CCDC73: variants seen among roughly 807,000 people sequenced by gnomAD.
CCDC73 encodes coiled-coil domain containing 73.
Under a neutral mutation model 116.5 loss-of-function variants are expected in CCDC73, and 95 were observed. The observed-to-expected ratio is 0.82, with a 90% confidence interval of 0.69 to 0.97. The LOEUF is 0.97. Ranked by LOEUF, CCDC73 falls within the 50% of genes least tolerant of loss-of-function variation. The pLI is 0.00. For missense variants in CCDC73, 1,066 were observed against 1,206.8 expected, an observed-to-expected ratio of 0.88 and a Z score of 1.73; for synonymous variants, 398 against 401.3, an observed-to-expected ratio of 0.99 and a Z score of 0.10.
intron 9 of CCDC73, among the ~76,000 whole-genome samples, chr11:32,656,606 T>G (rs559863779): frequency 3.6e-4 from 55 of 152,322 alleles, no homozygotes; most frequent in Middle Eastern, 3.4e-3. Context: ...AGCAGCAGCA[T>G]CAGCAGCATC....
chr11:32,823,245 G>A, the CCDC73 span, among the ~76,000 whole-genome samples: 322 of 152,296 alleles, frequency 2.1e-3, 1 homozygote, highest in African/African-American at 7.0e-3. Flanking sequence ...AGGCCGAGGC[G>A]GGTGGATCAC....
intron 2 of CCDC73, among the ~76,000 whole-genome samples, chr11:32,754,296 G>A (rs2133370274): frequency 6.6e-6 from 1 of 152,248 alleles, no homozygotes; most frequent in South Asian, 2.1e-4. Flanking sequence ...AGCAAGGTTA[G>A]ATAGCAGGTA....
chr11:32,822,951 G>A, the CCDC73 span, among the ~76,000 whole-genome samples: 1 of 152,162 alleles, frequency 6.6e-6, no homozygotes, highest in Admixed American at 6.5e-5. Context: ...TCAAAATAAA[G>A]AAAAGACATT....
At chr11:32,761,056 T>C (rs548222600) in intron 1 of CCDC73, among the ~76,000 whole-genome samples, 4 of 152,242 alleles carry the variant, frequency 2.6e-5, no homozygotes, top group African/African-American at 9.6e-5. Context: ...CAATTTAAGA[T>C]ACAGAACTCT....
chr11:32,737,681 T>C (rs532476336), intron 2 of CCDC73, among the ~76,000 whole-genome samples: 1 of 152,178 alleles, frequency 6.6e-6, no homozygotes, highest in South Asian at 2.1e-4. Context: ...CATTTATCCT[T>C]TATGTTACAA....
chr11:32,683,798 T>G (rs1298853984), intron 6 of CCDC73, among the ~76,000 whole-genome samples: 1 of 152,202 alleles, frequency 6.6e-6, no homozygotes, highest in Non-Finnish European at 1.5e-5. Context: ...AGAAACTTAC[T>G]TTCTAGTGGG....
intron 2 of CCDC73, among the ~76,000 whole-genome samples, chr11:32,722,377 T>C (rs1849997526): frequency 1.3e-5 from 2 of 152,298 alleles, no homozygotes; most frequent in South Asian, 4.1e-4. Context: ...TCACATACCC[T>C]CTCCTAAGCC....
In CCDC73 at chr11:32,683,322, A is replaced by G. The variant is rs575509502; in HGVS notation, c.429+214T>C. 8.4e-5 allele frequency: 44 copies of G among 522,546 alleles called. 1 individual carries two copies. The highest frequency in any genetic ancestry group is 3.7e-4 in the Admixed American group (12 of 32,428). The allele number at this position is 522,546 out of a possible 1,614,324, so 32.4% of individuals were successfully genotyped here. On this transcript the variant is annotated intron_variant, in intron 7 of 17. Coordinates refer to ENST00000335185, the MANE Select transcript of CCDC73 (RefSeq NM_001008391.4). ...TTCAGATTTGGGATGCTCAACCTGT[A>G]TAAGTACTATGTAATCTCGAAATAA...
At position 32,602,772 on chromosome 11, in the gene CCDC73, TCA is replaced by T; in HGVS notation, c.*37_*38del. 7.4e-7 allele frequency: 1 copy of T among 1,350,502 alleles called. No individual in the cohort carries two copies. The highest frequency in any genetic ancestry group is 1.0e-6 in the Non-Finnish European group (1 of 988,310). The allele number at this position is 1,350,502 out of a possible 1,614,324, so 83.7% of individuals were successfully genotyped here. ...TTCTAGTAAAAACTATACCAGAATT[TCA>T]GTTACATAATTTCACTACTGAAAGC... On this transcript the variant is annotated 3_prime_UTR_variant, in exon 18 of 18. Transcript: ENST00000335185.
At chr11:32,667,311 C>T (rs960507026) in intron 9 of CCDC73, among the ~76,000 whole-genome samples, 75 of 152,352 alleles carry the variant, frequency 4.9e-4, no homozygotes, top group African/African-American at 1.7e-3. Context: ...TGGGCTCCAC[C>T]CAGTTCGAGC....
At chr11:32,739,561 T>C (rs1370192167) in intron 2 of CCDC73, among the ~76,000 whole-genome samples, 2 of 152,194 alleles carry the variant, frequency 1.3e-5, no homozygotes, top group Admixed American at 6.5e-5. Flanking sequence ...TCTGCAACTT[T>C]ACTGAATATG....
chr11:32,706,481 A>T (rs1849857143), intron 3 of CCDC73, among the ~76,000 whole-genome samples: 1 of 152,230 alleles, frequency 6.6e-6, no homozygotes, highest in Admixed American at 6.5e-5. Flanking sequence ...GCACTAGAGG[A>T]GAGTGCCTCT....
chr11:32,780,516 A>T (rs1317925582), intron 1 of CCDC73, among the ~76,000 whole-genome samples: 1 of 152,160 alleles, frequency 6.6e-6, no homozygotes, highest in Non-Finnish European at 1.5e-5. Flanking sequence ...AAAAGAAAAA[A>T]ATCCTAGATG....
At chr11:32,637,461 A>G (rs1216545501) in intron 13 of CCDC73, among the ~76,000 whole-genome samples, 1 of 152,148 alleles carries the variant, frequency 6.6e-6, no homozygotes, top group Admixed American at 6.5e-5. Context: ...CAAGTCTCAC[A>G]TCATTTAATA....
chr11:32,625,822 A>T (rs542523464), intron 14 of CCDC73, among the ~76,000 whole-genome samples: 2 of 152,096 alleles, frequency 1.3e-5, no homozygotes, highest in South Asian at 4.2e-4. Flanking sequence ...TATTGATGGG[A>T]CGTATCTCAA....
At chr11:32,781,950 A>G (rs1850588283) in intron 1 of CCDC73, among the ~76,000 whole-genome samples, 1 of 152,182 alleles carries the variant, frequency 6.6e-6, no homozygotes, top group Admixed American at 6.5e-5. Flanking sequence ...GTGAAGCTTC[A>G]TCTGTATTTA....
At chr11:32,685,442 T>G (rs1428415384) in intron 6 of CCDC73, among the ~76,000 whole-genome samples, 2 of 152,086 alleles carry the variant, frequency 1.3e-5, no homozygotes, top group Non-Finnish European at 2.9e-5. Context: ...TAGCAAATTC[T>G]GAGTAAAGAC....
chr11:32,786,143 A>T (rs1450087689), intron 1 of CCDC73, among the ~76,000 whole-genome samples: 1 of 151,856 alleles, frequency 6.6e-6, no homozygotes, highest in Non-Finnish European at 1.5e-5. Flanking sequence ...AATATCTAAA[A>T]ATGCATACGC....
At chr11:32,767,181 T>C in intron 1 of CCDC73, among the ~76,000 whole-genome samples, 1 of 152,160 alleles carries the variant, frequency 6.6e-6, no homozygotes, top group South Asian at 2.1e-4. Flanking sequence ...TCTACGACCA[T>C]CTGATCTTTG....
Sources: allele counts gnomAD v4.1 joint callset (sites outside exome capture counted in the v4.1 genomes callset), GRCh38; gene constraint gnomAD v4.1.1; transcripts MANE v1.5; gene names NCBI Gene and HGNC (gene_info 2026-07-23, HGNC 2026-07-21).